The following POLRMT variants were observed in gnomAD, a reference collection of about 807,000 sequenced individuals.
POLRMT encodes DNA-directed RNA polymerase, mitochondrial.
Under a neutral mutation model 132.2 loss-of-function variants are expected in POLRMT, and 114 were observed. The ratio of observed to expected loss-of-function variants is 0.86; its 90% CI spans 0.74 to 1.01. The LOEUF (loss-of-function observed/expected upper bound fraction) is 1.01. Ranked by LOEUF, POLRMT falls within the 50% of genes least tolerant of loss-of-function variation. POLRMT has a pLI of 0.00. For missense variants in POLRMT, 2,003 were observed against 1,729.1 expected, an observed-to-expected ratio of 1.16 and a Z score of -2.81; for synonymous variants, 1,020 against 773.4, an observed-to-expected ratio of 1.32 and a Z score of -5.29.
chr19:628,952 C>T (rs1179913688), intron 3 of POLRMT, among the ~76,000 whole-genome samples: 2 of 151,964 alleles, frequency 1.3e-5, no homozygotes, highest in Non-Finnish European at 2.9e-5. Context: ...GGCCATGAGC[C>T]GAGATCGCAC....
intron 17 of POLRMT, 145 bp from the exon 18 acceptor site, chr19:617,994 C>A: frequency 2.9e-6 from 2 of 681,418 alleles, no homozygotes; most frequent in Non-Finnish European, 5.1e-6. Context: ...CCTCGCCCCG[C>A]CCCTCCCCAA....
chr19:618,934 A>ACGCTGGGG, intron 15 of POLRMT, 63 bp downstream of exon 15: 3 of 1,412,648 alleles, frequency 2.1e-6, no homozygotes, highest in Middle Eastern at 2.5e-4. Context: ...GGGCACTGGT[A>ACGCTGGGG]CACTGGGACG....
In POLRMT at chr19:619,038, C is replaced by T. The variant is rs746274300; in HGVS notation, c.3226G>A (p.Val1076Ile). ...SVVEWVTPLG[V>I]PVIQPYRLDS... ...AGGCGATAGGGCTGGATGACGGGGA[C>T]GCCCAGGGGTGTGACCCACTCCACC... The change falls in exon 15 of 21, where the codon GTC becomes ATC. Residue 1076 changes from valine (V) to isoleucine (I), a missense_variant. Physicochemically the swap from Val to Ile is conservative, Grantham distance 29. Coordinates refer to ENST00000588649, the MANE Select transcript of POLRMT (RefSeq NM_005035.4). The T allele has an allele frequency of 8.1e-6, 13 of 1,600,110 alleles. No individual in the cohort carries two copies. The highest frequency in any genetic ancestry group is 1.8e-4 in the Middle Eastern group (1 of 5,710).
chr19:620,995 G>A (rs1331187049), intron 10 of POLRMT, 63 bp downstream of exon 10: 1 of 1,271,016 alleles, frequency 7.9e-7, no homozygotes, highest in Admixed American at 3.9e-5. Flanking sequence ...GGAGGGCGCG[G>A]GGGCGCCGGG....
At chr19:628,847 T>C (rs1374506926) in intron 3 of POLRMT, among the ~76,000 whole-genome samples, 1 of 151,916 alleles carries the variant, frequency 6.6e-6, no homozygotes, top group East Asian at 1.9e-4. Flanking sequence ...CTACTCAAAA[T>C]ACAAAAATTA....
chr19:619,950 C>A lies in POLRMT; in HGVS notation c.2886+8G>T. ...CGAGATGCCCCCGGGCAGCAGGGCA[C>A]ACCCTACCTGCGCGGCCACGCCGCT... On this transcript the variant is annotated splice_region_variant and intron_variant, in intron 12 of 20. Coordinates refer to ENST00000588649, the MANE Select transcript of POLRMT (RefSeq NM_005035.4). The A allele has an allele frequency of 6.2e-7, 1 of 1,602,122 alleles. No individual in the cohort carries two copies. Among genetic ancestry groups the A allele is most frequent in the Non-Finnish European group, 8.5e-7 (1 of 1,178,350 alleles).
At chr19:623,402 C>T (rs1327846311) in intron 6 of POLRMT, 52 bp downstream of exon 6, 16 of 1,589,002 alleles carry the variant, frequency 1.0e-5, no homozygotes, top group African/African-American at 2.7e-5. Context: ...GGTGGACACG[C>T]GACCCCGGCT....
chr19:620,500 C>A lies in POLRMT; in HGVS notation c.2641-13G>T. 6.4e-7 allele frequency: 1 copy of A among 1,560,470 alleles called. No homozygotes were observed. Among genetic ancestry groups the A allele is most frequent in the Admixed American group, 1.9e-5 (1 of 53,402 alleles). On this transcript the variant is annotated splice_polypyrimidine_tract_variant and intron_variant, in intron 10 of 20. Transcript: ENST00000588649. Reference sequence around the variant, plus strand: ...ACCACTTTCGGCCCTGCGGGGACAGCGGATGGGGGGCAGTGAGGCCCGGGC... The same window carrying A: ...ACCACTTTCGGCCCTGCGGGGACAGAGGATGGGGGGCAGTGAGGCCCGGGC...
chr19:627,354 T>C (rs964239763), intron 3 of POLRMT, among the ~76,000 whole-genome samples: 7 of 151,518 alleles, frequency 4.6e-5, no homozygotes, highest in Non-Finnish European at 1.5e-5. Flanking sequence ...GGGGTTTCAC[T>C]GTGTTAGCCA....
Position 619,032 on chromosome 19 carries a change from C to T in POLRMT, c.3232G>A (p.Val1078Ile), listed in dbSNP as rs370808958. ...VEWVTPLGVPVIQPYRLDSKV... is the reference protein window; with the variant it reads ...VEWVTPLGVPIIQPYRLDSKV... ...GAGTCCAGGCGATAGGGCTGGATGACGGGGACGCCCAGGGGTGTGACCCAC... is the reference window on the plus strand; with the variant it reads ...GAGTCCAGGCGATAGGGCTGGATGATGGGGACGCCCAGGGGTGTGACCCAC... The change falls in exon 15 of 21, where the codon GTC (valine) becomes ATC (isoleucine). Residue 1078 changes from valine (V) to isoleucine (I), a missense_variant. Transcript: ENST00000588649. The T allele has an allele frequency of 1.4e-5, 23 of 1,598,524 alleles. No individual in the cohort carries two copies. In the East Asian group the frequency reaches 2.0e-4, roughly 14 times the overall value.
chr19:629,483 G>C lies in POLRMT; in HGVS notation c.822+57C>G, dbSNP rs1252862378. 6.2e-6 allele frequency: 9 copies of C among 1,446,512 alleles called. No homozygotes were observed. The African/African-American group carries it at 1.2e-4, about 19-fold the overall frequency. 89.6% of individuals were successfully genotyped at this position (1,446,512 alleles called of 1,614,324 possible). A position where few individuals can be genotyped will look rare whatever the true frequency, so the allele number is the denominator to read the frequency against. On this transcript the variant is annotated intron_variant, in intron 3 of 20. Coordinates refer to ENST00000588649, the MANE Select transcript of POLRMT (RefSeq NM_005035.4). ...GAGAGAAAAGTCCAGTCTAAATGAG[G>C]GCAAGTTCCTGTCTCCAACGACCAG...
At chr19:620,201 AG>A in intron 11 of POLRMT, 121 bp from the exon 12 acceptor site, 1 of 1,474,300 alleles carries the variant, frequency 6.8e-7, no homozygotes, top group South Asian at 1.3e-5. Flanking sequence ...AGTGCACCGG[AG>A]CCCCCGCACG....
At chr19:623,122 A>G (rs1984761181) in intron 6 of POLRMT, 137 bp from the exon 7 acceptor site, 1 of 1,176,628 alleles carries the variant, frequency 8.5e-7, no homozygotes, top group Non-Finnish European at 1.2e-6. Context: ...GTAGCTCCTC[A>G]CCCCGGCCTG....
Position 617,650 on chromosome 19 carries a change from G to A in POLRMT, c.3501C>T (p.Cys1167=), listed in dbSNP as rs757816473. The A allele has an allele frequency of 6.8e-6, 11 of 1,612,386 alleles. No homozygotes were observed. Among genetic ancestry groups the A allele is most frequent in the Admixed American group, 1.7e-5 (1 of 60,014 alleles). ...TGTGCAAGCGGACAAACTGCTCCCG[G>A]CACACCTGGGCAGGAGTCAGAGGAT... ...AADVSVMNQV[C]REQFVRLHSE... The change falls in exon 19 of 21, where the codon TGC becomes TGT. Residue 1167 remains cysteine, a synonymous_variant. Transcript: ENST00000588649.
intron 2 of POLRMT, among the ~76,000 whole-genome samples, chr19:630,860 T>C (rs1985362449): frequency 6.6e-6 from 1 of 152,182 alleles, no homozygotes; most frequent in Admixed American, 6.5e-5. Context: ...AGAAGCCTTG[T>C]TGGAAATCTA....
At chr19:620,629 G>A in intron 10 of POLRMT, 142 bp from the exon 11 acceptor site, 4 of 1,114,044 alleles carry the variant, frequency 3.6e-6, no homozygotes, top group Non-Finnish European at 4.9e-6. Context: ...GGCGAGAGAC[G>A]GGGCGGTGGC....
At chr19:632,730 T>C (rs956305582) in intron 2 of POLRMT, 104 bp downstream of exon 2, 2 of 979,364 alleles carry the variant, frequency 2.0e-6, no homozygotes, top group Non-Finnish European at 2.9e-6. Context: ...ACCCGAGAGG[T>C]GGAGACCGCC....
At chr19:633,157 C>G (rs1211079734) in intron 1 of POLRMT, 6 of 589,086 alleles carry the variant, frequency 1.0e-5, no homozygotes, top group South Asian at 2.5e-5. Flanking sequence ...TCCTCGCACT[C>G]GAGGTGCAGC....
rs376380383 is a variant in POLRMT, at chr19:618,987, G to C, written c.3267+10C>G. On this transcript the variant is annotated intron_variant, in intron 15 of 20. Transcript: ENST00000588649. ...TGGCACACTGGGGAGGGATGGGGTG[G>C]TACACTGACCTTGACCTTGGAGTCC... The C allele has an allele frequency of 3.2e-6, 5 of 1,561,636 alleles. No homozygotes were observed. In the African/African-American group the frequency reaches 5.4e-5, roughly 17 times the overall value.
Sources: gnomAD v4.1 joint callset for allele counts (sites outside exome capture counted in the v4.1 genomes callset) on GRCh38, gnomAD v4.1.1 for gene constraint, MANE v1.5 for transcripts, NCBI Gene and HGNC (gene_info 2026-07-23, HGNC 2026-07-21) for gene names.